Variants in ZEB2 observed in about 807,000 individuals in gnomAD.
ZEB2 encodes zinc finger E-box binding homeobox 2, also known as zinc finger E-box-binding homeobox 2.
Under a neutral mutation model 99.9 loss-of-function variants are expected in ZEB2, and 6 were observed. The observed-to-expected ratio is 0.06, with a 90% CI of 0.03 to 0.12. The LOEUF (loss-of-function observed/expected upper bound fraction) is 0.12, where lower values mean the gene tolerates loss of function less well. Among genes scored for constraint, ZEB2 ranks in the 10% least tolerant of loss-of-function variants. The pLI, the probability that ZEB2 is intolerant of heterozygous loss-of-function variation, is 1.00. For missense variants in ZEB2, 969 were observed against 1,502.8 expected (o/e 0.64, Z 5.87); for synonymous variants, 517 against 542.5 (o/e 0.95, Z 0.65).
intron 2 of ZEB2, among the ~76,000 whole-genome samples, chr2:144,472,189 T>TTTC (rs1704366435): frequency 6.9e-6 from 1 of 145,198 alleles, no homozygotes; most frequent in Non-Finnish European, 1.5e-5. Context: ...TTGGTCATGT[T>TTTC]TTCTTCATCA....
At position 144,518,190 on chromosome 2, in the gene ZEB2, T is replaced by C. The variant is rs548073296; in HGVS notation, c.-69-771A>G. Reference sequence around the variant, plus strand: ...TCCCTTAAATAGTTCCAGTAGAATTTTTTTTTTCCCTTAAGAAAGGAAAGA... The same window carrying C: ...TCCCTTAAATAGTTCCAGTAGAATTCTTTTTTTCCCTTAAGAAAGGAAAGA... On this transcript the variant is annotated intron_variant, in intron 1 of 9. Transcript: ENST00000627532. 9.9e-5 allele frequency: 15 copies of C among 151,286 alleles called. No homozygotes were observed. In the South Asian group the frequency reaches 2.9e-3, roughly 29 times the overall value. 9.4% of individuals were successfully genotyped at this position (151,286 alleles called of 1,614,324 possible). A position where few individuals can be genotyped will look rare whatever the true frequency, so the allele number is the denominator to read the frequency against.
At chr2:144,490,486 G>T (rs1223934582) in intron 2 of ZEB2, among the ~76,000 whole-genome samples, 1 of 152,074 alleles carries the variant, frequency 6.6e-6, no homozygotes, top group Non-Finnish European at 1.5e-5. Context: ...ATAAAATGTG[G>T]TATTTTTGAT....
intron 8 of ZEB2, chr2:144,397,874 C>T (rs752997020): frequency 6.9e-5 from 22 of 320,022 alleles, no homozygotes; most frequent in Non-Finnish European, 1.1e-4. Flanking sequence ...CTCCTGACCT[C>T]AAGTGATCCA....
intron 2 of ZEB2, among the ~76,000 whole-genome samples, chr2:144,473,419 G>A (rs542830660): frequency 2.6e-5 from 4 of 152,158 alleles, no homozygotes; most frequent in East Asian, 1.9e-4. Flanking sequence ...TGGCTTAACT[G>A]GTGCATACCT....
At chr2:144,512,763 T>C (rs751038173) in intron 2 of ZEB2, 3 of 1,287,060 alleles carry the variant, frequency 2.3e-6, no homozygotes, top group South Asian at 2.5e-5. Flanking sequence ...ATAAAACAAA[T>C]AGATCAGCCT....
chr2:144,393,547 C>G (rs1703180262), intron 9 of ZEB2, among the ~76,000 whole-genome samples: 1 of 152,204 alleles, frequency 6.6e-6, no homozygotes, highest in South Asian at 2.1e-4. Context: ...CAAAATATTA[C>G]TAGTGCTTAA....
In ZEB2 at chr2:144,414,459, G is replaced by A. The variant is rs139922284; in HGVS notation, c.404-9435C>T. ...CCCAGACCCAGGAAGCTGGCCCTGT[G>A]TATGTTATCGTGAGGCAGGGCCCCC... On this transcript the variant is annotated intron_variant, in intron 4 of 9. Coordinates refer to ENST00000627532, the MANE Select transcript of ZEB2 (RefSeq NM_014795.4). Among the ~76,000 whole-genome samples, 1,168 of 152,240 alleles carry A rather than the reference G, an allele frequency of 7.7e-3. 14 individuals carry two copies. The highest frequency in any genetic ancestry group is 0.026 in the African/African-American group (1,100 of 41,530).
At chr2:144,507,054 T>C (rs1704960499) in intron 2 of ZEB2, among the ~76,000 whole-genome samples, 1 of 152,224 alleles carries the variant, frequency 6.6e-6, no homozygotes, top group Admixed American at 6.5e-5. Flanking sequence ...TTTAAAAGTA[T>C]ACCTTCATAT....
At chr2:144,397,807 AT>A in intron 8 of ZEB2, 2 of 261,062 alleles carry the variant, frequency 7.7e-6, no homozygotes, top group South Asian at 3.7e-5. Flanking sequence ...CACCCAGCTA[AT>A]TTTTGTATTT....
At chr2:144,507,699 T>TG (rs2149928709) in intron 2 of ZEB2, among the ~76,000 whole-genome samples, 1 of 152,358 alleles carries the variant, frequency 6.6e-6, no homozygotes, top group South Asian at 2.1e-4. Context: ...CATAGTTTCT[T>TG]GGGTCACAAA....
At chr2:144,516,021 G>C (rs1028875285) in intron 2 of ZEB2, 1 of 151,924 alleles carries the variant, frequency 6.6e-6, no homozygotes, top group African/African-American at 2.4e-5. Context: ...CTGGGGCTGC[G>C]GAGGCCGGGA....
At chr2:144,488,124 T>C (rs1322759876) in intron 2 of ZEB2, among the ~76,000 whole-genome samples, 1 of 152,198 alleles carries the variant, frequency 6.6e-6, no homozygotes, top group Non-Finnish European at 1.5e-5. Flanking sequence ...GCTTCATATA[T>C]CTGTGTCCAC....
At chr2:144,416,176 C>T (rs1703537514) in intron 4 of ZEB2, among the ~76,000 whole-genome samples, 1 of 152,134 alleles carries the variant, frequency 6.6e-6, no homozygotes. Flanking sequence ...TTCAATGTGA[C>T]AATCAGGCCC....
intron 2 of ZEB2, among the ~76,000 whole-genome samples, chr2:144,446,010 G>A (rs1703978188): frequency 6.6e-6 from 1 of 152,034 alleles, no homozygotes. Flanking sequence ...TAAGACATGT[G>A]GGGATACTCT....
chr2:144,511,667 AG>A (rs1705041018), intron 2 of ZEB2: 2 of 1,287,082 alleles, frequency 1.6e-6, no homozygotes, highest in Admixed American at 4.6e-5. Context: ...GCATAAACAG[AG>A]CTATGTAAAT....
chr2:144,507,251 A>C (rs1428350112), intron 2 of ZEB2: 1 of 152,248 alleles, frequency 6.6e-6, no homozygotes, highest in Non-Finnish European at 1.5e-5. Flanking sequence ...CAAACAAGAA[A>C]AATTTACAAC....
At chr2:144,518,092 C>G (rs1325254958) in intron 1 of ZEB2, 1 of 148,110 alleles carries the variant, frequency 6.8e-6, no homozygotes, top group Non-Finnish European at 1.4e-5. Flanking sequence ...CCCCACCCCC[C>G]CTCGCCACTT....
At chr2:144,491,251 T>C (rs1704675678) in intron 2 of ZEB2, among the ~76,000 whole-genome samples, 2 of 151,818 alleles carry the variant, frequency 1.3e-5, no homozygotes, top group African/African-American at 4.8e-5. Flanking sequence ...AAGAGTCAGC[T>C]CGGAAAAGTT....
Position 144,403,810 on chromosome 2 carries a change from G to A in ZEB2, c.807+106C>T, listed in dbSNP as rs890484130. 5.6e-6 allele frequency: 8 copies of A among 1,417,034 alleles called. No individual in the cohort carries two copies. The African/African-American group carries it at 1.1e-4, about 20-fold the overall frequency. 87.8% of individuals were successfully genotyped at this position (1,417,034 alleles called of 1,614,324 possible). ...TAAAGCTATTACCATTAAAAGATCT[G>A]CATCTTCAAAATGCCATGAAAAATT... On this transcript the variant is annotated intron_variant, in intron 6 of 9. Coordinates refer to ENST00000627532, the MANE Select transcript of ZEB2 (RefSeq NM_014795.4).
Sources: gnomAD v4.1 joint callset for allele counts (sites outside exome capture counted in the v4.1 genomes callset) on GRCh38, gnomAD v4.1.1 for gene constraint, MANE v1.5 for transcripts, NCBI Gene and HGNC (gene_info 2026-07-23, HGNC 2026-07-21) for gene names.